STARD13: variants seen among roughly 807,000 people sequenced by gnomAD.
The protein encoded by STARD13 is stAR-related lipid transfer protein 13.
Under a neutral mutation model 106.4 loss-of-function variants are expected in STARD13, and 62 were observed. That is an observed-to-expected ratio of 0.58 (90% CI 0.48 to 0.72). The LOEUF (loss-of-function observed/expected upper bound fraction) is 0.72, where lower values mean the gene tolerates loss of function less well. STARD13 is among the 30% of genes least tolerant of loss of function. STARD13 has a pLI of 0.00. For missense variants in STARD13, 1,387 were observed against 1,424.0 expected (o/e 0.97, Z 0.42); for synonymous variants, 565 against 553.0 (o/e 1.02, Z -0.31).
the STARD13 span, among the ~76,000 whole-genome samples, chr13:33,430,573 A>G: frequency 6.6e-5 from 10 of 152,178 alleles, no homozygotes; most frequent in Non-Finnish European, 1.2e-4. Flanking sequence ...CTACCACTGG[A>G]TATATATCCA....
At chr13:33,165,667 C>T (rs1883232164) in intron 2 of STARD13, among the ~76,000 whole-genome samples, 1 of 152,198 alleles carries the variant, frequency 6.6e-6, no homozygotes, top group South Asian at 2.1e-4. Flanking sequence ...TAAGTGCCTG[C>T]ATTTTTCTAG....
At chr13:33,138,688 T>C (rs1034480350) in intron 4 of STARD13, 5 of 305,908 alleles carry the variant, frequency 1.6e-5, no homozygotes, top group South Asian at 1.1e-4. Flanking sequence ...GCCGCGGGAG[T>C]GGAGAGCCCG....
chr13:33,240,643 G>T (rs1028063038), intron 1 of STARD13, among the ~76,000 whole-genome samples: 1 of 150,896 alleles, frequency 6.6e-6, no homozygotes, highest in Non-Finnish European at 1.5e-5. Context: ...GGATCCCTAA[G>T]TTTATCCTTA....
the STARD13 span, among the ~76,000 whole-genome samples, chr13:33,409,052 T>G: frequency 6.6e-6 from 1 of 151,694 alleles, no homozygotes; most frequent in Non-Finnish European, 1.5e-5. Flanking sequence ...TCACCTTAAC[T>G]CATATTATAT....
intron 1 of STARD13, among the ~76,000 whole-genome samples, chr13:33,333,263 A>G (rs1301309272): frequency 2.0e-5 from 3 of 151,976 alleles, no homozygotes; most frequent in Non-Finnish European, 4.4e-5. Flanking sequence ...GGTGGCGGGC[A>G]CCAAATCCCA....
At chr13:33,241,714 T>A (rs1163062040) in intron 1 of STARD13, among the ~76,000 whole-genome samples, 1 of 152,034 alleles carries the variant, frequency 6.6e-6, no homozygotes, top group Non-Finnish European at 1.5e-5. Flanking sequence ...CTGGTTTTCG[T>A]ATTTTTTGGT....
At chr13:33,666,234 T>C in the STARD13 span, among the ~76,000 whole-genome samples, 1 of 152,238 alleles carries the variant, frequency 6.6e-6, no homozygotes, top group South Asian at 2.1e-4. Flanking sequence ...ATGTTACTAA[T>C]ACATTGATTA....
the STARD13 span, among the ~76,000 whole-genome samples, chr13:33,408,882 T>A: frequency 6.6e-6 from 1 of 152,080 alleles, no homozygotes; most frequent in Non-Finnish European, 1.5e-5. Context: ...TCCCGAGATA[T>A]CGGGATAGCT....
chr13:33,538,368 T>A, the STARD13 span, among the ~76,000 whole-genome samples: 1 of 152,042 alleles, frequency 6.6e-6, no homozygotes, highest in African/African-American at 2.4e-5. Context: ...AGTCCACTGA[T>A]TGAGAAAATA....
At chr13:33,407,809 G>T in the STARD13 span, among the ~76,000 whole-genome samples, 1 of 152,214 alleles carries the variant, frequency 6.6e-6, no homozygotes, top group Non-Finnish European at 1.5e-5. Flanking sequence ...CAAACTCAGG[G>T]ATATTGGTGG....
At chr13:33,169,687 A>C (rs1284655941) in intron 1 of STARD13, among the ~76,000 whole-genome samples, 1 of 152,204 alleles carries the variant, frequency 6.6e-6, no homozygotes, top group Non-Finnish European at 1.5e-5. Context: ...TCAGCAAGAC[A>C]GTCCCAGAGA....
chr13:33,352,429 T>G (rs1020566892), upstream of STARD13, among the ~76,000 whole-genome samples: 1 of 152,202 alleles, frequency 6.6e-6, no homozygotes, highest in Non-Finnish European at 1.5e-5. Flanking sequence ...GAACAGAACA[T>G]AACCATTCAA....
intron 1 of STARD13, among the ~76,000 whole-genome samples, chr13:33,314,038 A>G (rs1296777132): frequency 6.6e-6 from 1 of 152,110 alleles, no homozygotes; most frequent in Non-Finnish European, 1.5e-5. Context: ...GTCACATGCC[A>G]TCTGTAACTG....
At chr13:33,437,931 G>A in the STARD13 span, among the ~76,000 whole-genome samples, 13 of 152,178 alleles carry the variant, frequency 8.5e-5, no homozygotes, top group Non-Finnish European at 1.6e-4. Flanking sequence ...TATTCAGGCT[G>A]TAGTAGACCG....
chr13:33,311,123 A>G (rs1395453662), intron 1 of STARD13, among the ~76,000 whole-genome samples: 1 of 144,008 alleles, frequency 6.9e-6, no homozygotes, highest in Non-Finnish European at 1.5e-5. Flanking sequence ...ATAAGACACC[A>G]TTTCTTAAAA....
chr13:33,516,948 A>G, the STARD13 span, among the ~76,000 whole-genome samples: 1 of 151,948 alleles, frequency 6.6e-6, no homozygotes, highest in Non-Finnish European at 1.5e-5. Context: ...CTCAGAAAAA[A>G]AAAAAAAAAG....
chr13:33,213,036 T>C (rs1887815887), intron 1 of STARD13, among the ~76,000 whole-genome samples: 4 of 152,174 alleles, frequency 2.6e-5, no homozygotes, highest in Admixed American at 2.6e-4. Flanking sequence ...TGACCCTGAT[T>C]TTTTGAACTC....
intron 1 of STARD13, chr13:33,350,272 C>A: frequency 6.6e-7 from 1 of 1,521,842 alleles, no homozygotes; most frequent in Non-Finnish European, 8.8e-7. Context: ...TGGGTCGCGG[C>A]GTCTCCGGGG....
chr13:33,528,264 A>ATGTATATG, the STARD13 span, among the ~76,000 whole-genome samples: 2 of 132,020 alleles, frequency 1.5e-5, no homozygotes, highest in African/African-American at 6.2e-5. Flanking sequence ...ATACATATAT[A>ATGTATATG]TATATATATA....
Sources: gnomAD v4.1 joint callset for allele counts (sites outside exome capture counted in the v4.1 genomes callset) on GRCh38, gnomAD v4.1.1 for gene constraint, MANE v1.5 for transcripts, NCBI Gene and HGNC (gene_info 2026-07-23, HGNC 2026-07-21) for gene names.